The following FRMD6 variants were observed in gnomAD, a reference collection of about 807,000 sequenced individuals.
The protein encoded by FRMD6 is FERM domain-containing protein 6.
FRMD6 carries 37 observed loss-of-function variants against 73.2 expected under a neutral mutation model. The ratio of observed to expected loss-of-function variants is 0.51; its 90% confidence interval spans 0.39 to 0.66. The LOEUF (loss-of-function observed/expected upper bound fraction) is 0.66, where lower values mean the gene tolerates loss of function less well. FRMD6 is among the 30% of genes least tolerant of loss of function. The pLI, the probability that FRMD6 is intolerant of heterozygous loss-of-function variation, is 0.00. For missense variants in FRMD6, 714 were observed against 780.5 expected (o/e 0.91, Z 1.02); for synonymous variants, 273 against 282.2 (o/e 0.97, Z 0.33).
intron 2 of FRMD6, among the ~76,000 whole-genome samples, chr14:51,616,232 C>G (rs1272759646): frequency 3.9e-5 from 6 of 152,112 alleles, no homozygotes; most frequent in Admixed American, 2.0e-4. Flanking sequence ...AGCAATGGCT[C>G]TAATCCTCGG....
chr14:51,663,348 G>A (rs1028369720), intron 1 of FRMD6, among the ~76,000 whole-genome samples: 1 of 152,156 alleles, frequency 6.6e-6, no homozygotes, highest in African/African-American at 2.4e-5. Context: ...CAATAGCAAA[G>A]ACATAGAATC....
intron 1 of FRMD6, among the ~76,000 whole-genome samples, chr14:51,681,089 T>C (rs1894762981): frequency 6.6e-6 from 1 of 152,200 alleles, no homozygotes; most frequent in Admixed American, 6.5e-5. Context: ...ATTCTCCCTT[T>C]TCTATAGCTG....
chr14:51,595,562 T>C (rs984985127), intron 2 of FRMD6, among the ~76,000 whole-genome samples: 4 of 152,210 alleles, frequency 2.6e-5, no homozygotes, highest in East Asian at 1.9e-4. Context: ...AGAACATTTA[T>C]AGGGGAGTAC....
At chr14:51,416,103 G>C in the FRMD6 span, among the ~76,000 whole-genome samples, 1 of 152,092 alleles carries the variant, frequency 6.6e-6, no homozygotes, top group East Asian at 1.9e-4. Flanking sequence ...CAAAAAACCA[G>C]CTCCTGGATT....
chr14:51,422,330 T>C, the FRMD6 span, among the ~76,000 whole-genome samples: 2 of 152,192 alleles, frequency 1.3e-5, no homozygotes, highest in Admixed American at 1.3e-4. Flanking sequence ...GGGCCAAGAA[T>C]GGCAAATGGT....
rs1349169645 is a variant in FRMD6 at position 51,701,136 on chromosome 14, G to A, written c.271G>A (p.Val91Ile). The change falls in exon 4 of 14, where the codon GTA becomes ATA. Residue 91 changes from valine (V) to isoleucine (I), a missense_variant. Val to Ile is a conservative substitution (Grantham distance 29, BLOSUM62 3). Coordinates refer to ENST00000344768, the MANE Select transcript of FRMD6 (RefSeq NM_001267046.2). The stretch of plus-strand genomic sequence containing the variant: ...AGAATGGAAGAAAGAGGCCAGCAAG[G>A]TACGACAATACGAAGTCACTTGGGT... ...PKEWKKEASK[V>I]RQYEVTWGID... 4 of 1,573,432 alleles carry A rather than the reference G, an allele frequency of 2.5e-6. No individual in the cohort carries two copies. The highest frequency in any genetic ancestry group is 2.6e-6 in the Non-Finnish European group (3 of 1,157,284).
At chr14:51,497,046 T>C (rs1883335465) in intron 1 of FRMD6, among the ~76,000 whole-genome samples, 2 of 152,156 alleles carry the variant, frequency 1.3e-5, no homozygotes, top group Admixed American at 1.3e-4. Flanking sequence ...CATGGTAACC[T>C]TAATATCCTC....
At chr14:51,403,374 A>G in the FRMD6 span, among the ~76,000 whole-genome samples, 1 of 151,824 alleles carries the variant, frequency 6.6e-6, no homozygotes, top group East Asian at 1.9e-4. Context: ...AAATAGAATC[A>G]GACTATATTC....
chr14:51,702,870 C>A (rs1188987324), intron 5 of FRMD6, among the ~76,000 whole-genome samples: 4 of 151,918 alleles, frequency 2.6e-5, no homozygotes, highest in Non-Finnish European at 4.4e-5. Flanking sequence ...TTCTCCACTC[C>A]ACGTTTTCAT....
intron 7 of FRMD6, among the ~76,000 whole-genome samples, chr14:51,711,232 A>C (rs1896928602): frequency 6.6e-6 from 1 of 152,198 alleles, no homozygotes; most frequent in South Asian, 2.1e-4. Context: ...GTTGTCAATA[A>C]CAAGTATTTA....
the FRMD6 span, among the ~76,000 whole-genome samples, chr14:51,399,146 GAA>G: frequency 3.3e-5 from 5 of 152,124 alleles, no homozygotes; most frequent in Non-Finnish European, 7.4e-5. Flanking sequence ...TCTGCTCTTG[GAA>G]ACCTTACCCT....
At chr14:51,458,222 T>C in the FRMD6 span, among the ~76,000 whole-genome samples, 1 of 152,104 alleles carries the variant, frequency 6.6e-6, no homozygotes, top group Admixed American at 6.5e-5. Context: ...TCAATACCAG[T>C]TATTAACTGT....
intron 1 of FRMD6, among the ~76,000 whole-genome samples, chr14:51,530,981 C>T (rs1885548851): frequency 6.6e-6 from 1 of 152,174 alleles, no homozygotes; most frequent in South Asian, 2.1e-4. Flanking sequence ...AATGCGCCAG[C>T]ATCTGGTGAG....
At chr14:51,527,697 G>T (rs922848730) in intron 1 of FRMD6, among the ~76,000 whole-genome samples, 14 of 152,200 alleles carry the variant, frequency 9.2e-5, no homozygotes, top group African/African-American at 3.4e-4. Flanking sequence ...GCCCATCCAA[G>T]TGGTCCTAGA....
the FRMD6 span, among the ~76,000 whole-genome samples, chr14:51,477,597 G>GA: frequency 1.3e-5 from 2 of 151,666 alleles, no homozygotes; most frequent in Admixed American, 6.6e-5. Flanking sequence ...AGATGCTGTT[G>GA]AAAAAAAATT....
chr14:51,636,166 T>A (rs903647493), intron 2 of FRMD6, among the ~76,000 whole-genome samples: 4 of 152,132 alleles, frequency 2.6e-5, no homozygotes, highest in Non-Finnish European at 5.9e-5. Context: ...GCCCCATTAC[T>A]CCCCGGAGCC....
At chr14:51,418,601 G>T in the FRMD6 span, among the ~76,000 whole-genome samples, 1 of 152,230 alleles carries the variant, frequency 6.6e-6, no homozygotes, top group Non-Finnish European at 1.5e-5. Context: ...CCCCTACTGG[G>T]AGGTCTCTCC....
intron 6 of FRMD6, 63 bp from the exon 7 acceptor site, chr14:51,708,015 G>A (rs1204465655): frequency 8.8e-6 from 13 of 1,478,730 alleles, no homozygotes; most frequent in Non-Finnish European, 1.1e-5. Context: ...CATTTTGGGG[G>A]TGGGGGTAGA....
chr14:51,721,724 G>GGAAGGA (rs1566598294), intron 11 of FRMD6, among the ~76,000 whole-genome samples: 7 of 85,080 alleles, frequency 8.2e-5, no homozygotes, highest in African/African-American at 3.9e-4. Context: ...GGAAGGGAGG[G>GGAAGGA]AGGAAGGGAG....
Sources: gnomAD v4.1 joint callset for allele counts (sites outside exome capture counted in the v4.1 genomes callset) on GRCh38, gnomAD v4.1.1 for gene constraint, MANE v1.5 for transcripts, NCBI Gene and HGNC (gene_info 2026-07-23, HGNC 2026-07-21) for gene names.